PCLO: variants seen among roughly 807,000 people sequenced by gnomAD.
PCLO encodes the protein piccolo presynaptic cytomatrix protein.
A neutral mutation model predicts 427.5 loss-of-function variants in PCLO; 82 were observed. That is an observed-to-expected ratio of 0.19 (90% CI 0.16 to 0.23). The LOEUF (loss-of-function observed/expected upper bound fraction) is 0.23, where lower values mean the gene tolerates loss of function less well. PCLO is among the 10% of genes least tolerant of loss of function. PCLO has a pLI of 1.00. For missense variants in PCLO, 6,239 were observed against 6,115.9 expected, an observed-to-expected ratio of 1.02 and a Z score of -0.67; for synonymous variants, 2,357 against 2,155.4, an observed-to-expected ratio of 1.09 and a Z score of -2.59.
intron 3 of PCLO, among the ~76,000 whole-genome samples, chr7:83,097,215 T>A (rs1365746347): frequency 7.6e-6 from 1 of 130,986 alleles, no homozygotes; most frequent in African/African-American, 2.9e-5. Context: ...ATTATATAAA[T>A]CTTTTTTATT....
At chr7:83,140,495 A>G (rs1791834129) in intron 2 of PCLO, among the ~76,000 whole-genome samples, 1 of 152,142 alleles carries the variant, frequency 6.6e-6, no homozygotes, top group South Asian at 2.1e-4. Context: ...GTAAAGATTT[A>G]CTCATGGTAG....
chr7:83,013,584 G>A (rs1788138958), intron 3 of PCLO, among the ~76,000 whole-genome samples: 1 of 152,182 alleles, frequency 6.6e-6, no homozygotes, highest in Non-Finnish European at 1.5e-5. Context: ...TGACAGAGAT[G>A]CCAATCTAAA....
intron 22 of PCLO, among the ~76,000 whole-genome samples, chr7:82,800,069 T>A (rs2129468625): frequency 6.6e-6 from 1 of 152,252 alleles, no homozygotes; most frequent in African/African-American, 2.4e-5. Flanking sequence ...TACACAGAGA[T>A]ACGGTAGGTA....
intron 2 of PCLO, among the ~76,000 whole-genome samples, chr7:83,152,601 A>T (rs1792166105): frequency 6.6e-6 from 1 of 152,112 alleles, no homozygotes; most frequent in Non-Finnish European, 1.5e-5. Flanking sequence ...ACTCCCTAAA[A>T]TATACTCTGT....
At chr7:83,144,589 AT>A in intron 2 of PCLO, among the ~76,000 whole-genome samples, 1 of 152,178 alleles carries the variant, frequency 6.6e-6, no homozygotes. Flanking sequence ...TTAACAGTAT[AT>A]TTAAAAAAAA....
chr7:82,847,793 T>C (rs1792543222), intron 10 of PCLO, among the ~76,000 whole-genome samples: 1 of 152,072 alleles, frequency 6.6e-6, no homozygotes, highest in African/African-American at 2.4e-5. Flanking sequence ...CATCCCTGAA[T>C]TGAGGAATAG....
chr7:82,914,447 C>A, intron 7 of PCLO: 3 of 585,148 alleles, frequency 5.1e-6, no homozygotes, highest in South Asian at 4.5e-5. Flanking sequence ...CCAAACAAAT[C>A]AAGCAAACAA....
chr7:82,774,894 A>G (rs1436149069), intron 22 of PCLO, among the ~76,000 whole-genome samples: 2 of 152,140 alleles, frequency 1.3e-5, no homozygotes, highest in African/African-American at 4.8e-5. Context: ...TGTTCTGCCT[A>G]TTCATTCCTT....
intron 3 of PCLO, among the ~76,000 whole-genome samples, chr7:82,969,379 A>G (rs937081719): frequency 6.6e-6 from 1 of 152,166 alleles, no homozygotes; most frequent in African/African-American, 2.4e-5. Flanking sequence ...CTGAGCAATA[A>G]AAGATCTTAT....
At chr7:83,100,377 T>C (rs1790707358) in intron 3 of PCLO, among the ~76,000 whole-genome samples, 1 of 152,114 alleles carries the variant, frequency 6.6e-6, no homozygotes, top group Admixed American at 6.6e-5. Flanking sequence ...TGCAGCACTA[T>C]TCACAATAGC....
chr7:82,795,651 T>C (rs374328597), intron 22 of PCLO, among the ~76,000 whole-genome samples: 1 of 152,310 alleles, frequency 6.6e-6, no homozygotes, highest in East Asian at 1.9e-4. Context: ...TTTGAATGGT[T>C]TTACTGCTCT....
chr7:83,035,976 T>C (rs1196215254), intron 3 of PCLO, among the ~76,000 whole-genome samples: 1 of 152,182 alleles, frequency 6.6e-6, no homozygotes, highest in Admixed American at 6.5e-5. Flanking sequence ...AAAATATTTT[T>C]ATTTGAGTCT....
intron 22 of PCLO, among the ~76,000 whole-genome samples, chr7:82,777,724 G>T (rs1235216341): frequency 6.6e-6 from 1 of 152,096 alleles, no homozygotes; most frequent in East Asian, 1.9e-4. Context: ...ATTGAAACTG[G>T]ACCCCTTCCT....
At chr7:83,072,800 T>G (rs553716008) in intron 3 of PCLO, among the ~76,000 whole-genome samples, 1 of 152,202 alleles carries the variant, frequency 6.6e-6, no homozygotes, top group African/African-American at 2.4e-5. Context: ...TTATTCAAAC[T>G]AATGAATCAG....
intron 3 of PCLO, among the ~76,000 whole-genome samples, chr7:82,983,786 C>T (rs1408067296): frequency 6.6e-6 from 1 of 151,634 alleles, no homozygotes; most frequent in African/African-American, 2.4e-5. Context: ...TCATTTTTTC[C>T]AAATGTATTT....
intron 22 of PCLO, among the ~76,000 whole-genome samples, chr7:82,792,277 T>C (rs1181878086): frequency 2.0e-5 from 3 of 152,098 alleles, no homozygotes; most frequent in African/African-American, 7.2e-5. Context: ...GCAGTTTGAT[T>C]CCTATTGCTT....
intron 3 of PCLO, among the ~76,000 whole-genome samples, chr7:83,069,642 G>C (rs1789755582): frequency 6.6e-6 from 1 of 152,014 alleles, no homozygotes; most frequent in Non-Finnish European, 1.5e-5. Context: ...GAAAGATAAT[G>C]AATGTAAAGT....
chr7:82,882,044 T>C (rs1000048249), intron 9 of PCLO, among the ~76,000 whole-genome samples: 8 of 151,992 alleles, frequency 5.3e-5, no homozygotes, highest in African/African-American at 1.9e-4. Context: ...AAAATAACAT[T>C]TGTTTGTTTA....
chr7:82,881,270 T>TA (rs1020586627), intron 9 of PCLO, among the ~76,000 whole-genome samples: 5 of 152,164 alleles, frequency 3.3e-5, no homozygotes, highest in Admixed American at 3.3e-4. Flanking sequence ...ATGAAGGACT[T>TA]ACAAAAATTG....
Sources: gnomAD v4.1 joint callset for allele counts (sites outside exome capture counted in the v4.1 genomes callset) on GRCh38, gnomAD v4.1.1 for gene constraint, MANE v1.5 for transcripts, NCBI Gene and HGNC (gene_info 2026-07-23, HGNC 2026-07-21) for gene names.